ADH4: variants seen among roughly 807,000 people sequenced by gnomAD.
ADH4 encodes alcohol dehydrogenase 4 (class II), pi polypeptide.
Under a neutral mutation model 35.2 loss-of-function variants are expected in ADH4, and 31 were observed. The ratio of observed to expected loss-of-function variants is 0.88; its 90% CI spans 0.66 to 1.19. The LOEUF (loss-of-function observed/expected upper bound fraction) is 1.19. ADH4 is among the 50% of genes most tolerant of loss of function. The pLI is 0.00. For missense variants in ADH4, 476 were observed against 458.3 expected (o/e 1.04, Z -0.35); for synonymous variants, 171 against 160.2 (o/e 1.07, Z -0.51).
At position 99,131,599 on chromosome 4, in the gene ADH4, T is replaced by C. The variant is rs773307821; in HGVS notation, c.748A>G (p.Arg250Gly). 1.9e-6 allele frequency: 3 copies of C among 1,614,160 alleles called. No individual in the cohort carries two copies. The highest frequency in any genetic ancestry group is 2.5e-6 in the Non-Finnish European group (3 of 1,179,990). The change falls in exon 6 of 9, where the codon AGA becomes GGA. Residue 250 changes from arginine to glycine, a missense_variant. Physicochemically the swap from Arg to Gly is moderately radical, Grantham distance 125. Transcript: ENST00000265512. ...TCCTGGATCGGTTTATGTAAGTCTC[T>C]AGGATTGAGGCAGTCAGTGGCTCCC... ...ALGATDCLNP[R>G]DLHKPIQEVI...
chr4:99,126,466 A>T, intron 8 of ADH4, 128 bp downstream of exon 8: 3 of 853,436 alleles, frequency 3.5e-6, no homozygotes, highest in Non-Finnish European at 5.3e-6. Context: ...TTAATCTTTT[A>T]AGCACATCTA....
Position 99,131,547 on chromosome 4 carries a change from C to A in ADH4, c.800G>T (p.Gly267Val). 1 of 1,614,070 alleles carries A rather than the reference C, an allele frequency of 6.2e-7. No individual in the cohort carries two copies. The highest frequency in any genetic ancestry group is 8.5e-7 in the Non-Finnish European group (1 of 1,179,998). Reference sequence around the variant, plus strand: ...TGCACAGTCAAGGGCAAAATCCACACCTCCCTTGGTCAATTCAATGATAAC... The same window carrying A: ...TGCACAGTCAAGGGCAAAATCCACAACTCCCTTGGTCAATTCAATGATAAC... ...QEVIIELTKGGVDFALDCAGG... is the reference protein window; with the variant it reads ...QEVIIELTKGVVDFALDCAGG... The change falls in exon 6 of 9, where the codon GGT becomes GTT. Residue 267 changes from glycine (G) to valine (V), a missense_variant. Transcript: ENST00000265512.
At chr4:99,135,952 C>T (rs1434989356) in intron 5 of ADH4, among the ~76,000 whole-genome samples, 2 of 152,094 alleles carry the variant, frequency 1.3e-5, no homozygotes, top group South Asian at 2.1e-4. Flanking sequence ...GTCAACATTA[C>T]GGCTGCTACC....
chr4:99,129,169 A>T (rs1252837189), intron 6 of ADH4, among the ~76,000 whole-genome samples: 3 of 151,982 alleles, frequency 2.0e-5, no homozygotes, highest in Non-Finnish European at 2.9e-5. Flanking sequence ...TAAAAAGATA[A>T]AAAAAAGTAA....
Position 99,127,322 on chromosome 4 carries a change from G to A in ADH4, c.866C>T (p.Thr289Ile), listed in dbSNP as rs754657743. 5 of 1,611,876 alleles carry A rather than the reference G, an allele frequency of 3.1e-6. No homozygotes were observed. The highest frequency in any genetic ancestry group is 4.2e-6 in the Non-Finnish European group (5 of 1,178,816). ...GAAAGTACATGATCCCCAGCCTGCG[G>A]TTGTACAGTCCAGGGCTGCTTTCTG... ...ETMKAALDCT[T>I]AGWGSCTFIG... Residue 289 changes from threonine (T) to isoleucine (I), a missense_variant, in exon 7 of 9, where the codon ACC becomes ATC. Transcript: ENST00000265512.
Position 99,124,199 on chromosome 4 carries a change from C to CA in ADH4, c.*242dup. ...TCAACTTCCCAGAACTAATTTTAAA[C>CA]AATTTCTAAAGATGATATGATTCTA... On this transcript the variant is annotated 3_prime_UTR_variant, in exon 9 of 9. Coordinates refer to ENST00000265512, the MANE Select transcript of ADH4 (RefSeq NM_000670.5). 1 of 369,124 alleles carries CA rather than the reference C, an allele frequency of 2.7e-6. No homozygotes were observed. Among genetic ancestry groups the CA allele is most frequent in the Non-Finnish European group, 4.8e-6 (1 of 208,276 alleles). 22.9% of individuals were successfully genotyped at this position (369,124 alleles called of 1,614,324 possible). A position where few individuals can be genotyped will look rare whatever the true frequency, so the allele number is the denominator to read the frequency against.
chr4:99,127,676 A>G (rs1040554954), intron 6 of ADH4, among the ~76,000 whole-genome samples: 4 of 151,874 alleles, frequency 2.6e-5, no homozygotes, highest in African/African-American at 9.7e-5. Context: ...TAAAAATACA[A>G]AAATTAGCTG....
chr4:99,137,713 C>T (rs1468490499), intron 4 of ADH4, among the ~76,000 whole-genome samples: 1 of 152,120 alleles, frequency 6.6e-6, no homozygotes, highest in Non-Finnish European at 1.5e-5. Flanking sequence ...TGTCCATGTC[C>T]CAGCTCCAGT....
At position 99,141,528 on chromosome 4, in the gene ADH4, TA is replaced by T; in HGVS notation, c.262+12del. 1 of 1,601,122 alleles carries T rather than the reference TA, an allele frequency of 6.2e-7. No homozygotes were observed. The highest frequency in any genetic ancestry group is 8.5e-7 in the Non-Finnish European group (1 of 1,174,038). On this transcript the variant is annotated intron_variant, in intron 3 of 8. Transcript: ENST00000265512. ...TTGTGACATTTCCATTTTTTCTGAA[TA>T]AAATAAAATACCTGGTTTGACGTTG...
At chr4:99,136,953 ATTT>A (rs70955973) in intron 4 of ADH4, among the ~76,000 whole-genome samples, 53 of 147,336 alleles carry the variant, frequency 3.6e-4, no homozygotes, top group African/African-American at 1.3e-3. Flanking sequence ...GCAGGGAACA[ATTT>A]TTTTTTTTTT....
At chr4:99,133,704 G>A (rs1316540133) in intron 5 of ADH4, 1 of 152,092 alleles carries the variant, frequency 6.6e-6, no homozygotes, top group African/African-American at 2.4e-5. Context: ...TACAACCAAA[G>A]GAAATGAGAT....
chr4:99,140,866 CAA>C (rs35246304), intron 3 of ADH4, among the ~76,000 whole-genome samples: 1,927 of 127,464 alleles, frequency 0.015, 30 homozygotes, highest in African/African-American at 0.047. Flanking sequence ...GGCTCCATCT[CAA>C]AAAAAAAAAA....
At chr4:99,125,208 G>T (rs1302858988) in intron 8 of ADH4, among the ~76,000 whole-genome samples, 6 of 152,102 alleles carry the variant, frequency 3.9e-5, no homozygotes, top group Non-Finnish European at 1.5e-5. Context: ...TGTGCTTCCT[G>T]TGCCCATATG....
Position 99,142,715 on chromosome 4 carries a change from T to G in ADH4, c.84A>C (p.Glu28Asp). 1 of 1,605,086 alleles carries G rather than the reference T, an allele frequency of 6.2e-7. No individual in the cohort carries two copies. The highest frequency in any genetic ancestry group is 8.5e-7 in the Non-Finnish European group (1 of 1,177,022). Residue 28 changes from glutamate to aspartate, a missense_variant, in exon 2 of 9, where the codon GAA (glutamate) becomes GAC (aspartate). Transcript: ENST00000265512. ...CTTCATGAGCCTTGGGGGGAGCTAC[T>G]TCAACCTCTTCAATGCAAAGGGGCT... is the stretch of plus-strand genomic sequence containing the variant. ...AGKPLCIEEV[E>D]VAPPKAHEVR...
chr4:99,133,140 C>T (rs1729339448), intron 5 of ADH4, among the ~76,000 whole-genome samples: 1 of 152,102 alleles, frequency 6.6e-6, no homozygotes, highest in Non-Finnish European at 1.5e-5. Context: ...GTTGGATTCT[C>T]AGGCTAGCTC....
Position 99,131,696 on chromosome 4 carries a change from A to G in ADH4, c.651T>C (p.Cys217=), listed in dbSNP as rs748356743. 3 of 1,614,160 alleles carry G rather than the reference A, an allele frequency of 1.9e-6. No homozygotes were observed. The East Asian group carries it at 6.7e-5, about 36-fold the overall frequency. The change falls in exon 6 of 9, where the codon TGT becomes TGC. Residue 217 remains cysteine, a synonymous_variant. Coordinates refer to ENST00000265512, the MANE Select transcript of ADH4 (RefSeq NM_000670.5). ...GGVGLSAVMG[C]KAAGASRIIG... is the part of the protein sequence containing the mutation. The stretch of plus-strand genomic sequence containing the variant: ...TGATTCTGGAAGCTCCTGCTGCTTT[A>G]CAACCCATTACAGCAGAAAGACCCA...
At position 99,141,581 on chromosome 4, in the gene ADH4, A is replaced by G; in HGVS notation, c.222T>C (p.Ile74=). Residue 74 remains isoleucine, a synonymous_variant, in exon 3 of 9, where the codon ATT becomes ATC. Coordinates refer to ENST00000265512, the MANE Select transcript of ADH4 (RefSeq NM_000670.5). ...PVIVGHEAAG[I]VESIGPGVTN... is the part of the protein sequence containing the mutation. Reference sequence around the variant, plus strand: ...TCACTCCTGGCCCAATACTTTCCACAATACCTGCAGCCTCATGGCCAACGA... The same window carrying G: ...TCACTCCTGGCCCAATACTTTCCACGATACCTGCAGCCTCATGGCCAACGA... 1 of 1,614,148 alleles carries G rather than the reference A, an allele frequency of 6.2e-7. No homozygotes were observed. The highest frequency in any genetic ancestry group is 2.2e-5 in the East Asian group (1 of 44,868).
rs1304282126 is a variant in ADH4 at position 99,131,652 on chromosome 4, C to CATAGG, written c.694_695insCCTAT (p.Ser232ThrfsTer7). Reference sequence around the variant, plus strand: ...GGCTTTAGCCTTCACAAACTTCTCACTGTTGATGTCAATACCTATGATTCT... The same window carrying CATAGG: ...GGCTTTAGCCTTCACAAACTTCTCACATAGGTGTTGATGTCAATACCTATGATTCT... On this transcript the variant is annotated frameshift_variant, in exon 6 of 9. Coordinates refer to ENST00000265512, the MANE Select transcript of ADH4 (RefSeq NM_000670.5). LOFTEE classifies it high-confidence loss of function. 11 of 1,614,028 alleles carry CATAGG rather than the reference C, an allele frequency of 6.8e-6. No homozygotes were observed. In the African/African-American group the frequency reaches 1.3e-4, roughly 20 times the overall value.
rs1126670 is a variant in ADH4 at position 99,131,582 on chromosome 4, C to A, written c.765G>T (p.Pro255=). The part of the protein sequence containing the change: ...DCLNPRDLHK[P]IQEVIIELTK... ...TCAATTCAATGATAACTTCCTGGAT[C>A]GGTTTATGTAAGTCTCTAGGATTGA... The change falls in exon 6 of 9, where the codon CCG becomes CCT. Residue 255 remains proline (P), a synonymous_variant. Transcript: ENST00000265512. 0.72 allele frequency: 1,166,021 copies of A among 1,613,792 alleles called. 425,294 individuals are homozygous for A. Among genetic ancestry groups the A allele is most frequent in the East Asian group, 1 (44,798 of 44,876 alleles).
Sources: allele counts gnomAD v4.1 joint callset (sites outside exome capture counted in the v4.1 genomes callset), GRCh38; gene constraint gnomAD v4.1.1; transcripts MANE v1.5; gene names NCBI Gene and HGNC (gene_info 2026-07-23, HGNC 2026-07-21).